The following MED13L variants were observed in gnomAD, a reference collection of about 807,000 sequenced individuals.
MED13L encodes the protein mediator of RNA polymerase II transcription subunit 13-like.
A neutral mutation model predicts 220.9 loss-of-function variants in MED13L; 7 were observed. That is an observed-to-expected ratio of 0.03 (90% CI 0.02 to 0.06). The LOEUF (loss-of-function observed/expected upper bound fraction) is 0.06. Among genes scored for constraint, MED13L ranks in the 10% least tolerant of loss-of-function variants. The probability of loss-of-function intolerance (pLI) is 1.00; values close to 1 mark genes in which losing one functional copy is unlikely to be tolerated. For synonymous variants in MED13L, 1,011 were observed against 1,015.2 expected, an observed-to-expected ratio of 1.00 and a Z score of 0.08; for missense variants, 1,965 against 2,760.5, an observed-to-expected ratio of 0.71 and a Z score of 6.46.
Position 116,215,271 on chromosome 12 carries a change from C to A in MED13L, c.310+22197G>T, listed in dbSNP as rs114352062. Among the ~76,000 whole-genome samples the A allele has an allele frequency of 4.0e-3, 609 of 152,238 alleles. 3 individuals carry two copies. Among genetic ancestry groups the A allele is most frequent in the African/African-American group, 0.014 (589 of 41,530 alleles). On this transcript the variant is annotated intron_variant, in intron 2 of 30. Transcript: ENST00000281928. Reference sequence around the variant, plus strand: ...CTAAGTGAACATTCTTTGTTTCCTTCGCAGGTGACAAAACCATATTACATC... The same window carrying A: ...CTAAGTGAACATTCTTTGTTTCCTTAGCAGGTGACAAAACCATATTACATC...
chr12:116,200,807 T>C (rs1881964222), intron 2 of MED13L, among the ~76,000 whole-genome samples: 1 of 152,190 alleles, frequency 6.6e-6, no homozygotes, highest in Non-Finnish European at 1.5e-5. Flanking sequence ...CGCAGCAAGT[T>C]AGATTTTTTT....
intron 2 of MED13L, among the ~76,000 whole-genome samples, chr12:116,224,198 T>C (rs1223587535): frequency 6.6e-6 from 1 of 152,186 alleles, no homozygotes; most frequent in Non-Finnish European, 1.5e-5. Flanking sequence ...CCAAACTACT[T>C]AGCCTAGTGT....
At chr12:116,067,170 A>C (rs1870008180) in intron 4 of MED13L, among the ~76,000 whole-genome samples, 2 of 152,182 alleles carry the variant, frequency 1.3e-5, no homozygotes, top group Admixed American at 1.3e-4. Context: ...ATATGTAAAA[A>C]CTATTTTTAT....
intron 26 of MED13L, among the ~76,000 whole-genome samples, chr12:115,971,713 G>C (rs1221424495): frequency 1.3e-5 from 2 of 152,154 alleles, no homozygotes; most frequent in Non-Finnish European, 2.9e-5. Flanking sequence ...TCTGCCAAAT[G>C]CATGTCTTCA....
At chr12:116,119,833 A>C (rs1470161086) in intron 2 of MED13L, among the ~76,000 whole-genome samples, 1 of 117,078 alleles carries the variant, frequency 8.5e-6, no homozygotes, top group African/African-American at 3.4e-5. Flanking sequence ...AAAAAAAAAA[A>C]AAAAAATATA....
intron 11 of MED13L, 120 bp from the exon 12 acceptor site, chr12:116,006,531 A>C: frequency 1.2e-6 from 1 of 815,246 alleles, no homozygotes; most frequent in Non-Finnish European, 2.1e-6. Flanking sequence ...AGTATGATAA[A>C]CCATGGTCTA....
chr12:116,051,979 A>G (rs1054651486), intron 4 of MED13L, among the ~76,000 whole-genome samples: 17 of 152,160 alleles, frequency 1.1e-4, no homozygotes, highest in African/African-American at 3.4e-4. Flanking sequence ...AAAAGCCACA[A>G]TCAAATTCTA....
intron 8 of MED13L, 50 bp from the exon 9 acceptor site, chr12:116,012,951 C>T: frequency 7.5e-7 from 1 of 1,332,252 alleles, no homozygotes; most frequent in African/African-American, 1.4e-5. Context: ...ACCCATACCC[C>T]TGGGGAGAAA....
At chr12:116,205,467 G>A (rs1429806268) in intron 2 of MED13L, among the ~76,000 whole-genome samples, 2 of 139,588 alleles carry the variant, frequency 1.4e-5, no homozygotes, top group African/African-American at 5.4e-5. Flanking sequence ...AAGCACAATG[G>A]TCCACTCCCT....
chr12:116,026,746 T>A (rs75221937), intron 4 of MED13L, among the ~76,000 whole-genome samples: 1 of 152,192 alleles, frequency 6.6e-6, no homozygotes, highest in Non-Finnish European at 1.5e-5. Flanking sequence ...CACTAGAAAG[T>A]TGAATCCCCC....
At chr12:116,115,401 A>G (rs1874421231) in intron 2 of MED13L, among the ~76,000 whole-genome samples, 1 of 152,204 alleles carries the variant, frequency 6.6e-6, no homozygotes, top group South Asian at 2.1e-4. Context: ...ATTTCTAAAA[A>G]TACATAGGAG....
intron 2 of MED13L, among the ~76,000 whole-genome samples, chr12:116,210,664 A>C (rs539035007): frequency 5.6e-4 from 84 of 150,466 alleles, no homozygotes; most frequent in African/African-American, 2.0e-3. Context: ...ACAGCACCTA[A>C]CATTAATCCT....
intron 2 of MED13L, among the ~76,000 whole-genome samples, chr12:116,144,268 A>G (rs146483817): frequency 1.8e-3 from 273 of 152,282 alleles, no homozygotes; most frequent in African/African-American, 6.2e-3. Flanking sequence ...TCCACATCCT[A>G]ATTTTGGATG....
At chr12:116,137,852 ATTTTTTTTTTT>A (rs5801166) in intron 2 of MED13L, among the ~76,000 whole-genome samples, 1 of 118,460 alleles carries the variant, frequency 8.4e-6, no homozygotes, top group Non-Finnish European at 1.7e-5. Flanking sequence ...TAATGAGGTA[ATTTTTTTTTTT>A]TTTTTTTTTT....
intron 2 of MED13L, among the ~76,000 whole-genome samples, chr12:116,217,953 G>A (rs1883099701): frequency 6.6e-6 from 1 of 152,176 alleles, no homozygotes; most frequent in Non-Finnish European, 1.5e-5. Flanking sequence ...ATATATCTCA[G>A]TCTCCTGGAA....
At chr12:116,171,853 A>C (rs567911387) in intron 2 of MED13L, among the ~76,000 whole-genome samples, 3 of 152,274 alleles carry the variant, frequency 2.0e-5, no homozygotes, top group African/African-American at 7.2e-5. Context: ...TCAATGCAGG[A>C]CTTCACATGT....
chr12:115,982,170 A>G (rs1046205024), intron 22 of MED13L: 5 of 569,628 alleles, frequency 8.8e-6, no homozygotes, highest in Non-Finnish European at 1.6e-5. Flanking sequence ...AATAAATTTT[A>G]TGTTTAGACT....
At position 116,111,449 on chromosome 12, in the gene MED13L, G is replaced by T; in HGVS notation, c.374C>A (p.Ala125Glu). 1 of 1,611,288 alleles carries T rather than the reference G, an allele frequency of 6.2e-7. No homozygotes were observed. ...TTACCTTTCTAACAGATTGTGGATC[G>T]CTTTGAAGAGCAGCGTCCTACATTC... ...SYECRTLLFKAIHNLLERCLM... is the reference protein window; with the variant it reads ...SYECRTLLFKEIHNLLERCLM... The change falls in exon 3 of 31, where the codon GCG becomes GAG. Residue 125 changes from alanine to glutamate, a missense_variant. Ala to Glu is a moderately radical substitution (Grantham distance 107). Around this residue, in one of 10 missense-constraint regions of MED13L, gnomAD observed 818 missense variants for 1,041.2 expected, o/e 0.79. Coordinates refer to ENST00000281928, the MANE Select transcript of MED13L (RefSeq NM_015335.5).
At chr12:115,981,101 T>C (rs1877297782) in intron 22 of MED13L, among the ~76,000 whole-genome samples, 163 bp from the exon 23 acceptor site, 1 of 152,174 alleles carries the variant, frequency 6.6e-6, no homozygotes, top group African/African-American at 2.4e-5. Context: ...ATAATATAAT[T>C]AAATCCTAAT....
Sources: allele counts gnomAD v4.1 joint callset (sites outside exome capture counted in the v4.1 genomes callset), GRCh38; gene constraint gnomAD v4.1.1; regional missense constraint gnomAD v4.1.1; transcripts MANE v1.5; gene names NCBI Gene and HGNC (gene_info 2026-07-23, HGNC 2026-07-21).